The following EFCAB5 variants were observed in gnomAD, a reference collection of about 807,000 sequenced individuals.
The protein encoded by EFCAB5 is EF-hand calcium binding domain 5.
A neutral mutation model predicts 167.9 loss-of-function variants in EFCAB5; 131 were observed. The ratio of observed to expected loss-of-function variants is 0.78; its 90% confidence interval spans 0.68 to 0.90. The LOEUF (loss-of-function observed/expected upper bound fraction) is 0.90, where lower values mean the gene tolerates loss of function less well. EFCAB5 is among the 40% of genes least tolerant of loss of function. The pLI is 0.00. For missense variants in EFCAB5, 1,663 were observed against 1,745.2 expected (o/e 0.95, Z 0.84); for synonymous variants, 574 against 602.8 (o/e 0.95, Z 0.70).
intron 3 of EFCAB5, among the ~76,000 whole-genome samples, chr17:29,962,632 C>CTTT (rs796553756): frequency 1.1e-3 from 117 of 110,410 alleles, no homozygotes; most frequent in African/African-American, 3.7e-3. Context: ...CCATGCCTGG[C>CTTT]TTTTTTTTTT....
intron 7 of EFCAB5, among the ~76,000 whole-genome samples, chr17:30,026,689 T>C (rs993716170): frequency 6.6e-5 from 10 of 152,080 alleles, no homozygotes; most frequent in African/African-American, 2.4e-4. Context: ...TTCCCATCCT[T>C]GATGATAAGA....
At chr17:30,093,737 GCCAGAAAATAGC>G (rs1200646265) in intron 22 of EFCAB5, among the ~76,000 whole-genome samples, 1 of 152,136 alleles carries the variant, frequency 6.6e-6, no homozygotes. Context: ...GCCCGACTCA[GCCAGAAAATAGC>G]CCATAGGCTC....
At chr17:30,006,253 C>T (rs901075663) in intron 7 of EFCAB5, among the ~76,000 whole-genome samples, 1 of 152,062 alleles carries the variant, frequency 6.6e-6, no homozygotes, top group Non-Finnish European at 1.5e-5. Flanking sequence ...CAACGTTTCT[C>T]AATTGTTTTA....
chr17:30,061,478 T>C (rs535033176), intron 14 of EFCAB5, among the ~76,000 whole-genome samples: 17 of 152,354 alleles, frequency 1.1e-4, no homozygotes, highest in Non-Finnish European at 2.1e-4. Flanking sequence ...CTTAAAATCA[T>C]AGGATTAGAA....
chr17:29,978,756 A>AT (rs1421261008), intron 4 of EFCAB5, among the ~76,000 whole-genome samples: 1 of 152,130 alleles, frequency 6.6e-6, no homozygotes, highest in Non-Finnish European at 1.5e-5. Flanking sequence ...AATTTTTAGG[A>AT]TTTTCCGTAT....
At chr17:29,963,971 T>G (rs1455367407) in intron 3 of EFCAB5, among the ~76,000 whole-genome samples, 2 of 152,110 alleles carry the variant, frequency 1.3e-5, no homozygotes, top group Non-Finnish European at 2.9e-5. Context: ...TCTCACCATG[T>G]GATATGCCAG....
At position 30,078,227 on chromosome 17, in the gene EFCAB5, TC is replaced by T; in HGVS notation, c.2752del (p.Gln918AsnfsTer11). 1 of 1,611,680 alleles carries T rather than the reference TC, an allele frequency of 6.2e-7. No individual in the cohort carries two copies. Among genetic ancestry groups the T allele is most frequent in the Non-Finnish European group, 8.5e-7 (1 of 1,178,444 alleles). On this transcript the variant is annotated frameshift_variant, in exon 15 of 23. Transcript: ENST00000394835. LOFTEE classifies it high-confidence loss of function. ...KESMKKAKLH[I>X]QFPKPHPGHE... The stretch of plus-strand genomic sequence containing the variant: ...TTGTGTCTTTTAGCTAAACTACACA[TC>T]CAATTTCCAAAGCCACACCCTGGTC...
rs757009562 is a variant in EFCAB5, at chr17:29,969,158, A to ATG, written c.558_559insTG (p.Glu187TrpfsTer5). The ATG allele has an allele frequency of 4.3e-6, 7 of 1,613,904 alleles. No homozygotes were observed. Among genetic ancestry groups the ATG allele is most frequent in the Non-Finnish European group, 5.9e-6 (7 of 1,179,854 alleles). The stretch of plus-strand genomic sequence containing the variant: ...TTCTACCCACCTTAGTTCCTGGAGT[A>ATG]GAAAACATGTTAACTCAAGTAGAAA... On this transcript the variant is annotated frameshift_variant, in exon 4 of 23. Transcript: ENST00000394835. LOFTEE classifies it high-confidence loss of function.
chr17:30,016,847 G>A (rs1309925941), intron 7 of EFCAB5, among the ~76,000 whole-genome samples: 2 of 152,086 alleles, frequency 1.3e-5, no homozygotes, highest in Admixed American at 6.6e-5. Context: ...AAATGAGATA[G>A]GATGAGGAAT....
chr17:29,951,004 A>T lies in EFCAB5; in HGVS notation c.190+7355A>T, dbSNP rs577279431. On this transcript the variant is annotated intron_variant, in intron 3 of 22. Transcript: ENST00000394835. ...GCATTATATATTTATGAGCATTGTG[A>T]CAAAACAGAAGGGAAACACACCTTT... is the stretch of plus-strand genomic sequence containing the variant. 2.0e-5 allele frequency among the ~76,000 whole-genome samples: 3 copies of T among 152,340 alleles called. No homozygotes were observed. The South Asian group carries it at 6.2e-4, about 32-fold the overall frequency.
At chr17:30,086,919 A>G in intron 18 of EFCAB5, 144 bp from the exon 19 acceptor site, 2 of 608,068 alleles carry the variant, frequency 3.3e-6, no homozygotes, top group East Asian at 3.1e-5. Context: ...CCTGTTCTCT[A>G]ATGGTACTAA....
At chr17:30,005,607 A>G (rs2068757830) in intron 7 of EFCAB5, among the ~76,000 whole-genome samples, 1 of 152,088 alleles carries the variant, frequency 6.6e-6, no homozygotes, top group African/African-American at 2.4e-5. Flanking sequence ...GACTGAACAG[A>G]CCCCCTCTTA....
intron 7 of EFCAB5, among the ~76,000 whole-genome samples, chr17:30,008,749 T>C (rs148697583): frequency 1.9e-4 from 29 of 152,300 alleles, no homozygotes; most frequent in African/African-American, 6.7e-4. Context: ...TAAACTTTTT[T>C]TGGTAGCAGC....
chr17:30,036,290 A>T (rs952664815), intron 8 of EFCAB5, among the ~76,000 whole-genome samples: 8 of 129,362 alleles, frequency 6.2e-5, no homozygotes, highest in Middle Eastern at 3.9e-3. Context: ...TATAATACAC[A>T]TATATAATAT....
At chr17:30,017,008 C>G (rs1421866302) in intron 7 of EFCAB5, among the ~76,000 whole-genome samples, 1 of 151,862 alleles carries the variant, frequency 6.6e-6, no homozygotes, top group African/African-American at 2.4e-5. Flanking sequence ...GAAGACCTGT[C>G]TCTACAAAAA....
intron 3 of EFCAB5, among the ~76,000 whole-genome samples, chr17:29,947,873 T>A (rs1039204312): frequency 6.6e-6 from 1 of 152,222 alleles, no homozygotes; most frequent in Non-Finnish European, 1.5e-5. Context: ...TCGTCCAGGC[T>A]GGAGTGCAGT....
chr17:30,090,709 G>T, intron 20 of EFCAB5, 35 bp downstream of exon 20: 1 of 1,573,874 alleles, frequency 6.4e-7, no homozygotes, highest in Non-Finnish European at 8.6e-7. Flanking sequence ...AAATTCACAG[G>T]TTTAATAGGT....
intron 3 of EFCAB5, among the ~76,000 whole-genome samples, chr17:29,949,412 C>T (rs1359656419): frequency 1.3e-5 from 2 of 152,158 alleles, no homozygotes; most frequent in Non-Finnish European, 2.9e-5. Flanking sequence ...GCTTGAAAGG[C>T]TCTTGATTCT....
chr17:30,068,311 A>G (rs2070633733), intron 14 of EFCAB5, among the ~76,000 whole-genome samples: 1 of 140,976 alleles, frequency 7.1e-6, no homozygotes, highest in Admixed American at 6.9e-5. Context: ...CAAAAAAAGA[A>G]AAAAAAAAAA....
Sources: gnomAD v4.1 joint callset for allele counts (sites outside exome capture counted in the v4.1 genomes callset) on GRCh38, gnomAD v4.1.1 for gene constraint, MANE v1.5 for transcripts, NCBI Gene and HGNC (gene_info 2026-07-23, HGNC 2026-07-21) for gene names.